Variants in KIAA0232 observed in about 807,000 individuals in gnomAD.
The protein encoded by KIAA0232 is KIAA0232.
A neutral mutation model predicts 122.0 loss-of-function variants in KIAA0232; 27 were observed. That is an observed-to-expected ratio of 0.22 (90% CI 0.16 to 0.31). KIAA0232 has a LOEUF of 0.31. KIAA0232 is among the 10% of genes least tolerant of loss of function. The pLI is 1.00. For synonymous variants in KIAA0232, 613 were observed against 587.6 expected (o/e 1.04, Z -0.63); for missense variants, 1,551 against 1,634.2 (o/e 0.95, Z 0.88).
At chr4:6,870,380 G>A (rs956524591) in intron 7 of KIAA0232, among the ~76,000 whole-genome samples, 3 of 152,202 alleles carry the variant, frequency 2.0e-5, no homozygotes, top group African/African-American at 7.2e-5. Flanking sequence ...TCATTTGGAT[G>A]GCTATCTCCT....
At chr4:6,876,254 A>G (rs2108846787) in intron 8 of KIAA0232, among the ~76,000 whole-genome samples, 1 of 152,232 alleles carries the variant, frequency 6.6e-6, no homozygotes. Context: ...TGTCCTATGA[A>G]CGTGCTATGA....
intron 2 of KIAA0232, among the ~76,000 whole-genome samples, chr4:6,821,533 T>A (rs1485470291): frequency 6.6e-6 from 1 of 152,124 alleles, no homozygotes; most frequent in Non-Finnish European, 1.5e-5. Flanking sequence ...TCCATCAGGG[T>A]CACTGCAAAT....
At chr4:6,789,073 C>T (rs527796812) in intron 1 of KIAA0232, among the ~76,000 whole-genome samples, 142 of 152,148 alleles carry the variant, frequency 9.3e-4, no homozygotes, top group Non-Finnish European at 1.5e-3. Flanking sequence ...TGGGTTCACG[C>T]CATTCTCCTG....
At chr4:6,857,509 T>C (rs1720626615) in intron 5 of KIAA0232, among the ~76,000 whole-genome samples, 1 of 152,190 alleles carries the variant, frequency 6.6e-6, no homozygotes, top group Non-Finnish European at 1.5e-5. Flanking sequence ...TTCTGTTTTT[T>C]GGGTTTTTTT....
chr4:6,875,219 A>G (rs745745304), intron 8 of KIAA0232, among the ~76,000 whole-genome samples: 13 of 152,222 alleles, frequency 8.5e-5, no homozygotes, highest in Non-Finnish European at 1.5e-4. Context: ...CATGGGTGCA[A>G]TGTGTGTGCC....
rs1222023507 is a variant in KIAA0232 at position 6,862,614 on chromosome 4, T to C, written c.2232T>C (p.Tyr744=). 1.9e-6 allele frequency: 3 copies of C among 1,613,806 alleles called. No homozygotes were observed. Among genetic ancestry groups the C allele is most frequent in the Admixed American group, 1.7e-5 (1 of 59,970 alleles). ...STQFNAEDIN[Y]VVPRVSSNYV... ...AGTTTAATGCCGAAGATATTAATTA[T>C]GTAGTTCCTAGAGTCTCGTCAAATT... The change falls in exon 7 of 10, where the codon TAT becomes TAC. Residue 744 remains tyrosine (Y), a synonymous_variant. Transcript: ENST00000307659.
At chr4:6,856,111 C>CT (rs11393160) in intron 4 of KIAA0232, among the ~76,000 whole-genome samples, 22,498 of 152,118 alleles carry the variant, frequency 0.15, 2,440 homozygotes, top group East Asian at 0.57. Flanking sequence ...TTTCTTGCTA[C>CT]TCAAACTGTG....
At position 6,861,174 on chromosome 4, in the gene KIAA0232, T is replaced by A; in HGVS notation, c.792T>A (p.Ile264=). The change falls in exon 7 of 10, where the codon ATT becomes ATA. Residue 264 remains isoleucine, a synonymous_variant. Coordinates refer to ENST00000307659, the MANE Select transcript of KIAA0232 (RefSeq NM_014743.3). ...EKENKFSNGT[I]EEKPALYKKQ... ...AAAACAAATTTAGTAATGGCACAATTGAAGAAAAGCCTGCTTTGTACAAAA... is the reference window on the plus strand; with the variant it reads ...AAAACAAATTTAGTAATGGCACAATAGAAGAAAAGCCTGCTTTGTACAAAA... 1.9e-6 allele frequency: 3 copies of A among 1,614,120 alleles called. No individual in the cohort carries two copies. Among genetic ancestry groups the A allele is most frequent in the Non-Finnish European group, 2.5e-6 (3 of 1,180,022 alleles).
chr4:6,863,794 C>T lies in KIAA0232; in HGVS notation c.3412C>T (p.Pro1138Ser), dbSNP rs116439703. The stretch of plus-strand genomic sequence containing the variant: ...GAAAGATGAAGCAAATATTCCCATT[C>T]CTTCTCAAGTTGATATATTTGAAGA... ...SEKDEANIPI[P>S]SQVDIFEDPQ... The change falls in exon 7 of 10, where the codon CCT (proline) becomes TCT (serine). Residue 1138 changes from proline to serine, a missense_variant. Pro to Ser is a moderately conservative substitution (Grantham distance 74, BLOSUM62 -1). Around this residue, in one of 5 missense-constraint regions of KIAA0232, gnomAD observed 1,108 missense variants for 1,154.8 expected, o/e 0.96. Transcript: ENST00000307659. 68,200 of 1,614,108 alleles carry T rather than the reference C, an allele frequency of 0.042. 1,706 individuals are homozygous for T. Among genetic ancestry groups the T allele is most frequent in the South Asian group, 0.073 (6,657 of 91,064 alleles).
At chr4:6,831,628 G>GATCAT (rs748525714) in intron 3 of KIAA0232, among the ~76,000 whole-genome samples, 1 of 152,144 alleles carries the variant, frequency 6.6e-6, no homozygotes, top group Non-Finnish European at 1.5e-5. Flanking sequence ...TTTTCACAAA[G>GATCAT]ATCATATCCC....
At chr4:6,827,292 GA>G (rs1450490223) in intron 3 of KIAA0232, among the ~76,000 whole-genome samples, 2 of 152,212 alleles carry the variant, frequency 1.3e-5, no homozygotes, top group African/African-American at 4.8e-5. Flanking sequence ...TCAAAGGGAG[GA>G]TGTACTTACG....
At chr4:6,844,185 C>G (rs1719829839) in intron 4 of KIAA0232, among the ~76,000 whole-genome samples, 1 of 151,962 alleles carries the variant, frequency 6.6e-6, no homozygotes, top group South Asian at 2.1e-4. Flanking sequence ...CGTGATCCGT[C>G]TGCCTCAGCC....
intron 6 of KIAA0232, among the ~76,000 whole-genome samples, chr4:6,860,159 A>G (rs1720778173): frequency 1.3e-5 from 2 of 152,168 alleles, no homozygotes. Context: ...GCCTGCTTCA[A>G]TGCCAGGCAG....
Position 6,871,628 on chromosome 4 carries a change from A to C in KIAA0232, c.3856A>C (p.Thr1286Pro). 6.2e-7 allele frequency: 1 copy of C among 1,613,196 alleles called. No individual in the cohort carries two copies. The highest frequency in any genetic ancestry group is 8.5e-7 in the Non-Finnish European group (1 of 1,179,120). Reference protein sequence around the residue: ...QGMNRSQEKQTWWEKALYSPL... With the variant: ...QGMNRSQEKQPWWEKALYSPL... ...AATGAATAGAAGTCAAGAAAAACAG[A>C]CCTGGTGGGAAAAAGCCTTGTACTC... is the stretch of plus-strand genomic sequence containing the variant. Residue 1286 changes from threonine (T) to proline (P), a missense_variant, in exon 8 of 10, where the codon ACC (threonine) becomes CCC (proline). By Grantham distance (38) the Thr-to-Pro change is conservative. Around this residue, in one of 5 missense-constraint regions of KIAA0232, gnomAD observed 1,108 missense variants for 1,154.8 expected, o/e 0.96. Transcript: ENST00000307659.
At chr4:6,801,299 T>C (rs1717374098) in intron 1 of KIAA0232, among the ~76,000 whole-genome samples, 1 of 152,264 alleles carries the variant, frequency 6.6e-6, no homozygotes, top group Non-Finnish European at 1.5e-5. Flanking sequence ...GTGGCTACCA[T>C]ATTCATTGGA....
At position 6,824,515 on chromosome 4, in the gene KIAA0232, A is replaced by G. The variant is rs780508076; in HGVS notation, c.62A>G (p.Tyr21Cys). ...CCATCTGAAAGCTCCTCAAGTTCTT[A>G]TCCAGGCCCTGTGTCTGTTTCTGAA... is the stretch of plus-strand genomic sequence containing the variant. ...GLPSESSSSS[Y>C]PGPVSVSEMS... The change falls in exon 3 of 10, where the codon TAT becomes TGT. Residue 21 changes from tyrosine (Y) to cysteine (C), a missense_variant. Transcript: ENST00000307659. 9.3e-6 allele frequency: 15 copies of G among 1,614,072 alleles called. No homozygotes were observed. In the East Asian group the frequency reaches 3.3e-4, roughly 36 times the overall value.
At chr4:6,860,477 C>T (rs995474362) in intron 6 of KIAA0232, among the ~76,000 whole-genome samples, 2 of 152,168 alleles carry the variant, frequency 1.3e-5, no homozygotes, top group Non-Finnish European at 2.9e-5. Context: ...CACCATTTTG[C>T]AGTTGAGGAA....
chr4:6,834,233 G>C (rs1158949686), intron 3 of KIAA0232, among the ~76,000 whole-genome samples: 2 of 152,104 alleles, frequency 1.3e-5, no homozygotes, highest in African/African-American at 4.8e-5. Flanking sequence ...CACTACAGCT[G>C]TCTTTTCATT....
chr4:6,806,620 G>T (rs1265339321), intron 2 of KIAA0232, among the ~76,000 whole-genome samples: 1 of 150,938 alleles, frequency 6.6e-6, no homozygotes, highest in Non-Finnish European at 1.5e-5. Context: ...TATAATCCCA[G>T]CTACTTGGGA....
Sources: allele counts gnomAD v4.1 joint callset (sites outside exome capture counted in the v4.1 genomes callset), GRCh38; gene constraint gnomAD v4.1.1; regional missense constraint gnomAD v4.1.1; transcripts MANE v1.5; gene names NCBI Gene and HGNC (gene_info 2026-07-23, HGNC 2026-07-21).